Variants in RGPD8 observed in about 807,000 individuals in gnomAD.
RGPD8 encodes the protein RANBP2-like and GRIP domain-containing protein 8.
A neutral mutation model predicts 89.1 loss-of-function variants in RGPD8; 15 were observed. The observed-to-expected ratio is 0.17, with a 90% CI of 0.11 to 0.26. RGPD8 has a LOEUF of 0.26. Among genes scored for constraint, RGPD8 ranks in the 10% least tolerant of loss-of-function variants. RGPD8 has a pLI of 1.00. For missense variants in RGPD8, 178 were observed against 1,179.6 expected (o/e 0.15, Z 12.44); for synonymous variants, 62 against 420.9 (o/e 0.15, Z 10.44).
chr2:112,431,451 G>T (rs1038757479), intron 1 of RGPD8, among the ~76,000 whole-genome samples: 2 of 152,122 alleles, frequency 1.3e-5, no homozygotes, highest in Non-Finnish European at 2.9e-5. Flanking sequence ...GTTCCCAAGA[G>T]AAACTAAATC....
At chr2:112,413,512 G>A (rs1264669938) in intron 6 of RGPD8, among the ~76,000 whole-genome samples, 1 of 100,154 alleles carries the variant, frequency 1.0e-5, no homozygotes, top group East Asian at 2.3e-4. Flanking sequence ...AAAGCAAAAA[G>A]CAAACACTTA....
Position 112,390,168 on chromosome 2 carries a change from A to G in RGPD8, c.2777T>C (p.Ile926Thr), listed in dbSNP as rs777704031. The change falls in exon 20 of 23, where the codon ATT (isoleucine) becomes ACT (threonine). Residue 926 changes from isoleucine to threonine, a missense_variant. Coordinates refer to ENST00000302558, the MANE Select transcript of RGPD8 (RefSeq NM_001164463.1). ...PVSADGFKFG[I>T]SEPGNQEKKR... ...CTTTTCTTGATTTCCTGGTTCCGAAATGCCAAATTTAAATCCATCAGCAGA... is the reference window on the plus strand; with the variant it reads ...CTTTTCTTGATTTCCTGGTTCCGAAGTGCCAAATTTAAATCCATCAGCAGA... 7.6e-6 allele frequency: 12 copies of G among 1,583,234 alleles called. No homozygotes were observed. The Admixed American group carries it at 1.7e-4, about 22-fold the overall frequency.
chr2:112,387,744 T>C (rs527835401), intron 20 of RGPD8, among the ~76,000 whole-genome samples: 1 of 144,964 alleles, frequency 6.9e-6, no homozygotes, highest in Non-Finnish European at 1.5e-5. Context: ...TTAATGCGCA[T>C]GATTCAAGCA....
chr2:112,428,970 C>T (rs559061693), intron 1 of RGPD8, among the ~76,000 whole-genome samples: 1 of 151,878 alleles, frequency 6.6e-6, no homozygotes, highest in African/African-American at 2.4e-5. Context: ...AAAAACTGCA[C>T]AACAAGGGCA....
rs796773757 is a variant in RGPD8, at chr2:112,432,955, GC to G, written c.72+426del. ...TGACCCCTGACCCATCGAGGCCGCC[GC>G]CGGGCCGGGTCGAGGCCGCCGCCTC... On this transcript the variant is annotated intron_variant, in intron 1 of 22. Coordinates refer to ENST00000302558, the MANE Select transcript of RGPD8 (RefSeq NM_001164463.1). 8.1e-3 allele frequency among the ~76,000 whole-genome samples: 820 copies of G among 101,200 alleles called. 5 individuals are homozygous for G. The highest frequency in any genetic ancestry group is 0.02 in the African/African-American group (580 of 28,954). The allele number at this position is 101,200 out of a possible 152,430, so 66.4% of individuals were successfully genotyped here.
intron 1 of RGPD8, among the ~76,000 whole-genome samples, chr2:112,425,978 T>C (rs982514608): frequency 1.3e-5 from 2 of 152,066 alleles, no homozygotes; most frequent in African/African-American, 4.8e-5. Flanking sequence ...TAAGCACTTA[T>C]CACACACTGT....
intron 19 of RGPD8, 126 bp from the exon 20 acceptor site, chr2:112,390,373 T>C (rs1179006446): frequency 4.3e-6 from 3 of 702,428 alleles, no homozygotes; most frequent in Non-Finnish European, 6.9e-6. Context: ...ATGATGATGA[T>C]AACATTTATT....
intron 1 of RGPD8, among the ~76,000 whole-genome samples, chr2:112,432,310 T>C (rs1680074407): frequency 6.6e-6 from 1 of 151,868 alleles, no homozygotes; most frequent in Non-Finnish European, 1.5e-5. Context: ...TAAGCCATAC[T>C]AACGATTTGT....
intron 1 of RGPD8, among the ~76,000 whole-genome samples, chr2:112,430,170 G>A (rs1157067472): frequency 3.3e-5 from 5 of 152,156 alleles, no homozygotes; most frequent in Non-Finnish European, 7.3e-5. Flanking sequence ...ATGATATACA[G>A]ACGCATCATC....
intron 22 of RGPD8, among the ~76,000 whole-genome samples, chr2:112,371,535 G>T (rs1328017615): frequency 6.5e-5 from 1 of 15,410 alleles, no homozygotes; most frequent in Non-Finnish European, 1.4e-4. Flanking sequence ...GTACCAGTTT[G>T]TTTATTCATT....
intron 1 of RGPD8, among the ~76,000 whole-genome samples, chr2:112,430,365 T>C (rs1037697589): frequency 6.6e-6 from 1 of 152,162 alleles, no homozygotes; most frequent in African/African-American, 2.4e-5. Flanking sequence ...CTTTACAGAA[T>C]AGCTTCACAT....
At chr2:112,392,874 T>TA (rs1346342390) in intron 18 of RGPD8, among the ~76,000 whole-genome samples, 1 of 149,114 alleles carries the variant, frequency 6.7e-6, no homozygotes, top group Non-Finnish European at 1.5e-5. Flanking sequence ...AACAATCTCA[T>TA]AAAAAATACT....
rs547307743 is a variant in RGPD8 at position 112,390,513 on chromosome 2, T to C, written c.2698-266A>G. ...CTCATTTTACATATAAGGCAACTGA[T>C]GCACTGAGAGGTTAAGAAACTTGCC... On this transcript the variant is annotated intron_variant, in intron 19 of 22. Transcript: ENST00000302558. Among the ~76,000 whole-genome samples, 2 of 144,918 alleles carry C rather than the reference T, an allele frequency of 1.4e-5. 1 individual carries two copies. The highest frequency in any genetic ancestry group is 3.1e-5 in the Non-Finnish European group (2 of 65,292).
intron 1 of RGPD8, among the ~76,000 whole-genome samples, chr2:112,431,538 T>A (rs1362055399): frequency 6.6e-6 from 1 of 152,180 alleles, no homozygotes. Context: ...GGTCTCAATA[T>A]CCACAGGGTT....
chr2:112,416,338 C>T (rs1210424336), intron 6 of RGPD8, among the ~76,000 whole-genome samples: 9 of 151,914 alleles, frequency 5.9e-5, no homozygotes, highest in Non-Finnish European at 1.2e-4. Context: ...CTACTCCCTG[C>T]ACTCAGTGAA....
At chr2:112,414,968 C>T (rs1179902971) in intron 6 of RGPD8, among the ~76,000 whole-genome samples, 1 of 118,146 alleles carries the variant, frequency 8.5e-6, no homozygotes, top group African/African-American at 3.4e-5. Context: ...TGCAGTGAGC[C>T]GAGATGGCGC....
chr2:112,429,732 T>C (rs1347488841), intron 1 of RGPD8, among the ~76,000 whole-genome samples: 10 of 152,216 alleles, frequency 6.6e-5, no homozygotes, highest in South Asian at 2.1e-4. Context: ...GAATAAGAAA[T>C]CGACTTGACA....
intron 1 of RGPD8, among the ~76,000 whole-genome samples, chr2:112,426,811 T>G (rs370568031): frequency 0.24 from 29,210 of 123,262 alleles, 3,358 homozygotes; most frequent in African/African-American, 0.42. Flanking sequence ...AAGGAACAAG[T>G]CCTGTTCCCC....
At chr2:112,415,342 A>G (rs1189675749) in intron 6 of RGPD8, among the ~76,000 whole-genome samples, 46 of 152,122 alleles carry the variant, frequency 3.0e-4, no homozygotes, top group Admixed American at 2.7e-3. Context: ...CAAAGGGCCC[A>G]TGAGGCCTGA....
Sources: gnomAD v4.1 joint callset for allele counts (sites outside exome capture counted in the v4.1 genomes callset) on GRCh38, gnomAD v4.1.1 for gene constraint, MANE v1.5 for transcripts, NCBI Gene and HGNC (gene_info 2026-07-23, HGNC 2026-07-21) for gene names.